Variants in GALNT14 observed in about 807,000 individuals in gnomAD.
GALNT14 encodes the protein polypeptide N-acetylgalactosaminyltransferase 14.
Under a neutral mutation model 77.5 loss-of-function variants are expected in GALNT14, and 60 were observed. The observed-to-expected ratio is 0.77, with a 90% CI of 0.63 to 0.96. The LOEUF is 0.96. GALNT14 is among the 40% of genes least tolerant of loss of function. GALNT14 has a pLI of 0.00. For synonymous variants in GALNT14, 280 were observed against 281.7 expected (o/e 0.99, Z 0.06); for missense variants, 710 against 731.0 (o/e 0.97, Z 0.33).
intron 1 of GALNT14, among the ~76,000 whole-genome samples, chr2:31,091,639 T>A (rs1284927360): frequency 6.6e-6 from 1 of 152,192 alleles, no homozygotes; most frequent in Non-Finnish European, 1.5e-5. Context: ...TTCTGGAACC[T>A]GAAAAGTCCT....
Position 31,015,650 on chromosome 2 carries a change from C to G in GALNT14, c.130-22643G>C, listed in dbSNP as rs186844536. On this transcript the variant is annotated intron_variant, in intron 1 of 14. Transcript: ENST00000349752. The stretch of plus-strand genomic sequence containing the variant: ...TACCAGTAATAAAACATATCAATAT[C>G]ACATATCCCCTATAAGGATGTACTG... 3.5e-3 allele frequency among the ~76,000 whole-genome samples: 527 copies of G among 152,264 alleles called. 4 individuals carry two copies. Among genetic ancestry groups the G allele is most frequent in the African/African-American group, 0.012 (504 of 41,542 alleles).
intron 13 of GALNT14, 91 bp downstream of exon 13, chr2:30,924,028 G>A: frequency 1.4e-6 from 2 of 1,401,738 alleles, no homozygotes; most frequent in Non-Finnish European, 2.0e-6. Context: ...GGCATCTGAT[G>A]TCATGTAAGA....
chr2:30,943,893 T>G (rs1666526289), intron 8 of GALNT14, among the ~76,000 whole-genome samples: 1 of 152,216 alleles, frequency 6.6e-6, no homozygotes, highest in East Asian at 1.9e-4. Context: ...AAGGTCACCA[T>G]TCACATTCCC....
chr2:31,063,817 G>A (rs1674759874), intron 1 of GALNT14, among the ~76,000 whole-genome samples: 1 of 152,008 alleles, frequency 6.6e-6, no homozygotes, highest in South Asian at 2.1e-4. Flanking sequence ...TCTCTTTGTA[G>A]CAATTCTGAA....
intron 1 of GALNT14, among the ~76,000 whole-genome samples, chr2:31,024,632 G>C (rs543247538): frequency 4.1e-4 from 62 of 152,194 alleles, no homozygotes; most frequent in African/African-American, 1.4e-3. Flanking sequence ...TTTCTTCATA[G>C]CATTTGTCAC....
intron 1 of GALNT14, among the ~76,000 whole-genome samples, chr2:31,050,708 G>A (rs1401737956): frequency 1.3e-5 from 2 of 151,934 alleles, no homozygotes; most frequent in African/African-American, 4.8e-5. Flanking sequence ...GGGGTATATG[G>A]AAACTCCCTA....
intron 1 of GALNT14, among the ~76,000 whole-genome samples, chr2:31,095,563 A>G (rs905097234): frequency 1.3e-5 from 2 of 152,124 alleles, no homozygotes; most frequent in African/African-American, 2.4e-5. Flanking sequence ...ACACTAGATC[A>G]CTGAAAAAGA....
chr2:30,968,745 C>T (rs998999341), intron 2 of GALNT14, among the ~76,000 whole-genome samples: 3 of 152,168 alleles, frequency 2.0e-5, no homozygotes, highest in Admixed American at 6.5e-5. Flanking sequence ...TGAAGATAAT[C>T]GATGATTCTT....
At chr2:31,002,651 G>C (rs1670435586) in intron 1 of GALNT14, among the ~76,000 whole-genome samples, 1 of 152,204 alleles carries the variant, frequency 6.6e-6, no homozygotes, top group African/African-American at 2.4e-5. Context: ...AGCCAAGAGA[G>C]GGAGACGGTG....
chr2:31,091,182 C>T (rs974419310), intron 1 of GALNT14, among the ~76,000 whole-genome samples: 5 of 152,156 alleles, frequency 3.3e-5, no homozygotes, highest in African/African-American at 1.2e-4. Context: ...ACCCACCCCC[C>T]ATTTCTGCAG....
intron 1 of GALNT14, among the ~76,000 whole-genome samples, chr2:31,035,323 T>C (rs534766227): frequency 2.0e-5 from 3 of 152,226 alleles, no homozygotes; most frequent in Non-Finnish European, 2.9e-5. Context: ...TCTTGATAGA[T>C]TGACCCTTTT....
At chr2:31,018,361 A>G (rs920208549) in intron 1 of GALNT14, among the ~76,000 whole-genome samples, 3 of 152,266 alleles carry the variant, frequency 2.0e-5, no homozygotes, top group Non-Finnish European at 4.4e-5. Context: ...TAACTGACTC[A>G]CGTTCCACAG....
At position 30,969,998 on chromosome 2, in the gene GALNT14, T is replaced by A. The variant is rs182608312; in HGVS notation, c.300-3696A>T. Among the ~76,000 whole-genome samples, 578 of 152,322 alleles carry A rather than the reference T, an allele frequency of 3.8e-3. 6 individuals carry two copies. The highest frequency in any genetic ancestry group is 0.013 in the African/African-American group (558 of 41,558). On this transcript the variant is annotated intron_variant, in intron 2 of 14. Transcript: ENST00000349752. ...AGCCTCAGTTTCTTCATCTGGAAAA[T>A]GGAGATAACAATTCTGGAAGATTTT...
At chr2:31,089,501 T>C (rs749302549) in intron 1 of GALNT14, among the ~76,000 whole-genome samples, 1 of 152,168 alleles carries the variant, frequency 6.6e-6, no homozygotes, top group Non-Finnish European at 1.5e-5. Context: ...AGAACTATTG[T>C]TTCTGGAGAC....
chr2:31,022,136 T>C (rs147606203), intron 1 of GALNT14, among the ~76,000 whole-genome samples: 26 of 152,296 alleles, frequency 1.7e-4, no homozygotes, highest in African/African-American at 5.8e-4. Context: ...AGACTCTGCA[T>C]GTGTTTTGCA....
At chr2:31,115,993 C>G (rs1678086981) in intron 1 of GALNT14, among the ~76,000 whole-genome samples, 1 of 152,096 alleles carries the variant, frequency 6.6e-6, no homozygotes, top group African/African-American at 2.4e-5. Context: ...TGCACTCTAC[C>G]CTGGGTGACA....
At chr2:31,090,368 G>A (rs767898694) in intron 1 of GALNT14, among the ~76,000 whole-genome samples, 9 of 152,078 alleles carry the variant, frequency 5.9e-5, no homozygotes, top group Non-Finnish European at 7.3e-5. Flanking sequence ...CCAGGCACAC[G>A]TGGATGGCCA....
chr2:30,957,151 C>T (rs1357476506), intron 4 of GALNT14, among the ~76,000 whole-genome samples: 1 of 152,150 alleles, frequency 6.6e-6, no homozygotes, highest in Non-Finnish European at 1.5e-5. Flanking sequence ...CCCTGCTTGG[C>T]TCTGAACTTT....
chr2:31,039,529 A>C (rs560409105), intron 1 of GALNT14, among the ~76,000 whole-genome samples: 1 of 152,140 alleles, frequency 6.6e-6, no homozygotes, highest in East Asian at 1.9e-4. Flanking sequence ...CCACAATCTC[A>C]TATTTTCCAT....
Sources: gnomAD v4.1 joint callset for allele counts (sites outside exome capture counted in the v4.1 genomes callset) on GRCh38, gnomAD v4.1.1 for gene constraint, MANE v1.5 for transcripts, NCBI Gene and HGNC (gene_info 2026-07-23, HGNC 2026-07-21) for gene names.